Variants in ADAMTSL1 observed in about 807,000 individuals in gnomAD.
ADAMTSL1 encodes the protein ADAMTS like 1.
In ADAMTSL1, 126 loss-of-function variants were observed where a neutral mutation model predicts 201.8. The ratio of observed to expected loss-of-function variants is 0.62; its 90% CI spans 0.54 to 0.72. The LOEUF is 0.72. ADAMTSL1 is among the 30% of genes least tolerant of loss of function. The probability of loss-of-function intolerance (pLI) is 0.00; values close to 1 mark genes in which losing one functional copy is unlikely to be tolerated. For missense variants in ADAMTSL1, 2,679 were observed against 2,277.8 expected (o/e 1.18, Z -3.59); for synonymous variants, 1,121 against 903.4 (o/e 1.24, Z -4.32).
At chr9:18,686,993 C>G (rs1830879657) in intron 13 of ADAMTSL1, among the ~76,000 whole-genome samples, 1 of 152,126 alleles carries the variant, frequency 6.6e-6, no homozygotes, top group African/African-American at 2.4e-5. Context: ...AAAATTTACT[C>G]TTAGTGTAAT....
chr9:18,580,994 A>G (rs1823057792), intron 4 of ADAMTSL1, among the ~76,000 whole-genome samples: 1 of 152,092 alleles, frequency 6.6e-6, no homozygotes, highest in South Asian at 2.1e-4. Context: ...AAAAATCCCA[A>G]ATTCCTTTAC....
intron 2 of ADAMTSL1, among the ~76,000 whole-genome samples, chr9:18,247,924 T>G (rs1472823542): frequency 1.3e-5 from 2 of 152,008 alleles, no homozygotes; most frequent in Non-Finnish European, 2.9e-5. Flanking sequence ...GATGGAGTGC[T>G]TTGTGCAGAA....
intron 2 of ADAMTSL1, among the ~76,000 whole-genome samples, chr9:18,382,831 C>T (rs1234747688): frequency 6.6e-6 from 1 of 152,154 alleles, no homozygotes; most frequent in East Asian, 1.9e-4. Flanking sequence ...GAACAATGCT[C>T]ATTATAACAC....
chr9:18,789,141 C>T (rs1821880849), intron 19 of ADAMTSL1, among the ~76,000 whole-genome samples: 1 of 152,176 alleles, frequency 6.6e-6, no homozygotes, highest in Non-Finnish European at 1.5e-5. Flanking sequence ...GTCTTCACGA[C>T]ATCTAGAATT....
intron 2 of ADAMTSL1, among the ~76,000 whole-genome samples, chr9:18,215,055 T>C (rs1830012861): frequency 1.3e-5 from 2 of 152,186 alleles, no homozygotes; most frequent in South Asian, 2.1e-4. Context: ...GATTTACATA[T>C]TACTTTGAAA....
intron 2 of ADAMTSL1, among the ~76,000 whole-genome samples, chr9:18,292,162 G>A (rs1833298658): frequency 6.6e-6 from 1 of 152,124 alleles, no homozygotes; most frequent in Non-Finnish European, 1.5e-5. Context: ...TCAATCCAAA[G>A]AAGGATCTGG....
intron 23 of ADAMTSL1, among the ~76,000 whole-genome samples, chr9:18,847,407 C>A (rs559184838): frequency 6.6e-6 from 1 of 152,268 alleles, no homozygotes; most frequent in Admixed American, 6.5e-5. Flanking sequence ...AGACAAAAGT[C>A]CCTCCTCTCA....
intron 1 of ADAMTSL1, among the ~76,000 whole-genome samples, chr9:18,032,551 A>T (rs989222833): frequency 1.3e-5 from 2 of 152,126 alleles, no homozygotes; most frequent in African/African-American, 2.4e-5. Context: ...CCTTAGTACC[A>T]TGGGAGAGGT....
At chr9:17,962,635 A>G (rs562008149) in intron 1 of ADAMTSL1, among the ~76,000 whole-genome samples, 2 of 152,314 alleles carry the variant, frequency 1.3e-5, no homozygotes, top group African/African-American at 4.8e-5. Flanking sequence ...CAGAACTAGC[A>G]AGTTCTAGAT....
intron 9 of ADAMTSL1, among the ~76,000 whole-genome samples, chr9:18,672,169 G>A (rs1338749871): frequency 1.3e-5 from 2 of 151,378 alleles, no homozygotes; most frequent in Non-Finnish European, 2.9e-5. Context: ...TGAGCAGTGT[G>A]AGCCCAATTT....
intron 10 of ADAMTSL1, among the ~76,000 whole-genome samples, chr9:18,676,213 T>C (rs776763): frequency 0.14 from 21,400 of 152,042 alleles, 1,658 homozygotes; most frequent in East Asian, 0.22. Flanking sequence ...CCCTTTGTTC[T>C]TTCCTATTTT....
At chr9:18,622,104 T>C (rs927881283) in intron 4 of ADAMTSL1, 139 bp from the exon 5 acceptor site, 8 of 1,084,882 alleles carry the variant, frequency 7.4e-6, no homozygotes, top group Non-Finnish European at 1.0e-5. Context: ...TAAATTCCAG[T>C]TGAATTCAGT....
At chr9:18,558,178 G>T (rs1426186487) in intron 3 of ADAMTSL1, among the ~76,000 whole-genome samples, 1 of 151,988 alleles carries the variant, frequency 6.6e-6, no homozygotes, top group Non-Finnish European at 1.5e-5. Context: ...TCTCCCAACA[G>T]GCCCCAGTGT....
chr9:18,346,903 C>T (rs1479741715), intron 2 of ADAMTSL1, among the ~76,000 whole-genome samples: 1 of 152,120 alleles, frequency 6.6e-6, no homozygotes, highest in African/African-American at 2.4e-5. Flanking sequence ...CAATGGAAGG[C>T]CCCAGCACAT....
At chr9:17,934,974 C>G (rs1826947207) in intron 1 of ADAMTSL1, among the ~76,000 whole-genome samples, 1 of 150,140 alleles carries the variant, frequency 6.7e-6, no homozygotes, top group Non-Finnish European at 1.5e-5. Context: ...TCTTAAAAGC[C>G]TTCTAGGTAT....
intron 1 of ADAMTSL1, among the ~76,000 whole-genome samples, chr9:17,923,143 T>G (rs1037516290): frequency 6.6e-6 from 1 of 152,090 alleles, no homozygotes; most frequent in Admixed American, 6.5e-5. Context: ...TGGTTCCATA[T>G]GAACTTTAAA....
chr9:18,629,757 G>T (rs1483685085), intron 5 of ADAMTSL1, among the ~76,000 whole-genome samples: 3 of 152,116 alleles, frequency 2.0e-5, no homozygotes, highest in Non-Finnish European at 4.4e-5. Context: ...CAAACGATGA[G>T]TAGAGAAGTA....
intron 2 of ADAMTSL1, among the ~76,000 whole-genome samples, chr9:18,446,657 C>T (rs1193331113): frequency 1.3e-5 from 2 of 152,184 alleles, no homozygotes; most frequent in Non-Finnish European, 2.9e-5. Flanking sequence ...GGTCCTAGAA[C>T]AAAATAGAAT....
chr9:18,609,369 TTC>T (rs373087647), intron 4 of ADAMTSL1, among the ~76,000 whole-genome samples: 18,508 of 152,060 alleles, frequency 0.12, 1,213 homozygotes, highest in Middle Eastern at 0.2. Flanking sequence ...CAGAGGTCAT[TTC>T]CCAAAGAGCC....
Sources: gnomAD v4.1 joint callset for allele counts (sites outside exome capture counted in the v4.1 genomes callset) on GRCh38, gnomAD v4.1.1 for gene constraint, MANE v1.5 for transcripts, NCBI Gene and HGNC (gene_info 2026-07-23, HGNC 2026-07-21) for gene names.